CFAP74: variants seen among roughly 807,000 people sequenced by gnomAD.
CFAP74 encodes cilia and flagella associated protein 74.
CFAP74 carries 124 observed loss-of-function variants against 188.9 expected under a neutral mutation model. The ratio of observed to expected loss-of-function variants is 0.66; its 90% CI spans 0.57 to 0.76. CFAP74 has a LOEUF of 0.76. Among genes scored for constraint, CFAP74 ranks in the 30% least tolerant of loss-of-function variants. The pLI is 0.00. For missense variants in CFAP74, 2,198 were observed against 2,165.2 expected, an observed-to-expected ratio of 1.02 and a Z score of -0.30; for synonymous variants, 956 against 916.7, an observed-to-expected ratio of 1.04 and a Z score of -0.77.
At chr1:1,988,000 GCT>G in intron 4 of CFAP74, 1 of 429,466 alleles carries the variant, frequency 2.3e-6, no homozygotes, top group Non-Finnish European at 4.7e-6. Context: ...ACAGGGTCTT[GCT>G]CTGTCACCCA....
intron 1 of CFAP74, among the ~76,000 whole-genome samples, chr1:1,991,297 G>C (rs1424640433): frequency 6.6e-6 from 1 of 152,208 alleles, no homozygotes; most frequent in African/African-American, 2.4e-5. Flanking sequence ...CCAACGTGGT[G>C]AGGCTACAGT....
chr1:1,941,944 G>A (rs1653403792), intron 22 of CFAP74, 84 bp downstream of exon 22: 1 of 1,331,652 alleles, frequency 7.5e-7, no homozygotes, highest in South Asian at 1.8e-5. Flanking sequence ...AATGAGAACA[G>A]AGGAGTGGCC....
chr1:1,967,768 G>C (rs1198652943), intron 11 of CFAP74, among the ~76,000 whole-genome samples: 3 of 152,218 alleles, frequency 2.0e-5, no homozygotes, highest in Admixed American at 6.5e-5. Flanking sequence ...CCAGACTCAG[G>C]AGAGGACCAT....
At position 1,970,750 on chromosome 1, in the gene CFAP74, C is replaced by T. The variant is rs748175288; in HGVS notation, c.955G>A (p.Ala319Thr). 1.2e-6 allele frequency: 2 copies of T among 1,614,200 alleles called. No homozygotes were observed. The highest frequency in any genetic ancestry group is 1.7e-6 in the Non-Finnish European group (2 of 1,180,014). Residue 319 changes from alanine to threonine, a missense_variant, in exon 10 of 39, where the codon GCT becomes ACT. Ala to Thr is a moderately conservative substitution (Grantham distance 58). Transcript: ENST00000682832. Reference protein sequence around the residue: ...KAELAEQRVQAEKKAILAQGR... With the variant: ...KAELAEQRVQTEKKAILAQGR... ...TGGGCCAGAATCGCCTTCTTCTCAG[C>T]CTGGACCCTCTGCTCCGCCAGCTCT...
intron 33 of CFAP74, among the ~76,000 whole-genome samples, chr1:1,925,092 ACTGGTGCGAAGGCATGAGGGCACACG>A (rs1557982630): frequency 6.2e-5 from 9 of 144,416 alleles, no homozygotes; most frequent in Non-Finnish European, 1.1e-4. Flanking sequence ...GAGGGCACAC[ACTGGTGCGAAGGCATGAGGGCACACG>A]CTGGTGCGAA....
At position 1,995,194 on chromosome 1, in the gene CFAP74, T is replaced by C. The variant is rs142056884; in HGVS notation, c.-19-4219A>G. ...ATGCCGGATAGGACTGTACTTTAATTCTCGTAAAAATGTTGAAGAACAAAC... is the reference window on the plus strand; with the variant it reads ...ATGCCGGATAGGACTGTACTTTAATCCTCGTAAAAATGTTGAAGAACAAAC... On this transcript the variant is annotated intron_variant, in intron 1 of 38. Transcript: ENST00000682832. 2.0e-5 allele frequency among the ~76,000 whole-genome samples: 3 copies of C among 152,160 alleles called. No homozygotes were observed. The East Asian group carries it at 5.8e-4, about 29-fold the overall frequency.
chr1:1,964,900 G>A lies in CFAP74; in HGVS notation c.1563C>T (p.Leu521=), dbSNP rs1161090145. 6 of 1,613,616 alleles carry A rather than the reference G, an allele frequency of 3.7e-6. No homozygotes were observed. The highest frequency in any genetic ancestry group is 1.7e-5 in the Admixed American group (1 of 59,998). ...QGRPFNSKPE[L]LHFQDFDIGK... is the part of the protein sequence containing the mutation. ...GCTGCGGGCTCACCTGGAAGTGGAG[G>A]AGCTCCGGTTTGCTGTTGAAGGGGC... Residue 521 remains leucine (L), a synonymous_variant, in exon 13 of 39, where the codon CTC becomes CTT. Coordinates refer to ENST00000682832, the MANE Select transcript of CFAP74 (RefSeq NM_001304360.2).
chr1:1,983,620 G>C (rs1335661552), intron 6 of CFAP74: 1 of 152,248 alleles, frequency 6.6e-6, no homozygotes, highest in East Asian at 1.9e-4. Context: ...GGGGCCGAGG[G>C]GCACAGGGGG....
At chr1:1,993,848 G>T (rs529323713) in intron 1 of CFAP74, among the ~76,000 whole-genome samples, 1 of 151,116 alleles carries the variant, frequency 6.6e-6, no homozygotes. Context: ...CGGGCGTGGT[G>T]GCGGGCGCCT....
Position 1,975,909 on chromosome 1 carries a change from C to T in CFAP74, c.501-1711G>A, listed in dbSNP as rs748409162. Among the ~76,000 whole-genome samples, 2 of 152,288 alleles carry T rather than the reference C, an allele frequency of 1.3e-5. No individual in the cohort carries two copies. The highest frequency in any genetic ancestry group is 2.9e-5 in the Non-Finnish European group (2 of 68,028). On this transcript the variant is annotated intron_variant, in intron 6 of 38. Coordinates refer to ENST00000682832, the MANE Select transcript of CFAP74 (RefSeq NM_001304360.2). This position sits in a 1 kb window ranked among gnomAD's most constrained non-coding sequence, Gnocchi z 4.5. ...GGCAAGACGCTGTCCCAGATGCTGT[C>T]GTCGCCCATTCCTGCTGCTGTAGGA...
In CFAP74 at chr1:1,954,727, G is replaced by A. The variant is rs184145999; in HGVS notation, c.2176+964C>T. 5.4e-5 allele frequency: 50 copies of A among 921,926 alleles called. No homozygotes were observed. In the Admixed American group the frequency reaches 2.5e-3, roughly 46 times the overall value. 57.1% of individuals were successfully genotyped at this position (921,926 alleles called of 1,614,324 possible). Reference sequence around the variant, plus strand: ...GAGCCCGGGAGGTCGAGGCTGCAGTGAGCTGTGACTGCACCACTGCACTCC... The same window carrying A: ...GAGCCCGGGAGGTCGAGGCTGCAGTAAGCTGTGACTGCACCACTGCACTCC... On this transcript the variant is annotated intron_variant, in intron 18 of 38. Transcript: ENST00000682832.
intron 12 of CFAP74, among the ~76,000 whole-genome samples, chr1:1,965,338 C>G (rs774979342): frequency 1.3e-5 from 2 of 152,208 alleles, no homozygotes; most frequent in Non-Finnish European, 2.9e-5. Context: ...GCAGACAGCT[C>G]CAGATTCAGG....
chr1:1,981,614 C>T (rs150990787), intron 6 of CFAP74, among the ~76,000 whole-genome samples: 33 of 60,318 alleles, frequency 5.5e-4, no homozygotes, highest in East Asian at 1.8e-3. Context: ...CACACAGCCG[C>T]GGACAGACAC....
intron 25 of CFAP74, among the ~76,000 whole-genome samples, chr1:1,930,913 T>C (rs1652317963): frequency 6.6e-6 from 1 of 152,206 alleles, no homozygotes; most frequent in Admixed American, 6.5e-5. Flanking sequence ...GGCCGGGACC[T>C]GGTTATTTTA....
At chr1:1,965,113 G>T in intron 12 of CFAP74, 52 bp from the exon 13 acceptor site, 1 of 1,564,184 alleles carries the variant, frequency 6.4e-7, no homozygotes, top group Non-Finnish European at 8.7e-7. Context: ...CACCTGGGCG[G>T]CGCCGGTGGC....
Position 1,926,299 on chromosome 1 carries a change from GGT to G in CFAP74, c.3875_3876del (p.Asn1292ThrfsTer56). 6.5e-7 allele frequency: 1 copy of G among 1,546,930 alleles called. No individual in the cohort carries two copies. The highest frequency in any genetic ancestry group is 2.4e-5 in the East Asian group (1 of 40,850). On this transcript the variant is annotated frameshift_variant, in exon 32 of 39. Transcript: ENST00000682832. LOFTEE classifies it high-confidence loss of function. ...CCACCTGCACGCAGCAGGCTGGAGT[GGT>G]TCAGCAGGACAAAGGGGCCGTTGGG... ...LNPNGPFVLL[N>X]HSSLLRAGGT... is the part of the protein sequence containing the mutation.
In CFAP74 at chr1:1,935,407, T is replaced by C. The variant is rs1159379742; in HGVS notation, c.3011+3448A>G. 1.6e-4 allele frequency among the ~76,000 whole-genome samples: 14 copies of C among 85,288 alleles called. 4 individuals are homozygous for C. Among genetic ancestry groups the C allele is most frequent in the South Asian group, 1.0e-3 (2 of 1,952 alleles). The allele number at this position is 85,288 out of a possible 152,430, so 56.0% of individuals were successfully genotyped here. ...GGTTATAGGTACACACGTCTGTATG[T>C]GTGGGTGTTAGGTTGTAGGTACACA... On this transcript the variant is annotated intron_variant, in intron 25 of 38. Coordinates refer to ENST00000682832, the MANE Select transcript of CFAP74 (RefSeq NM_001304360.2).
rs1241754410 is a variant in CFAP74 at position 1,923,978 on chromosome 1, G to A, written c.4235-49C>T. On this transcript the variant is annotated intron_variant, in intron 34 of 38. Transcript: ENST00000682832. The surrounding 1 kb of genome is among the most constrained non-coding windows in gnomAD (Gnocchi z 6.3). ...TTGGCCTTCTCCACCTGCAATCACTGTCTGCCCTCCAAGCCTTGCTGCATA... is the reference window on the plus strand; with the variant it reads ...TTGGCCTTCTCCACCTGCAATCACTATCTGCCCTCCAAGCCTTGCTGCATA... The A allele has an allele frequency of 6.4e-7, 1 of 1,567,880 alleles. No individual in the cohort carries two copies. Among genetic ancestry groups the A allele is most frequent in the African/African-American group, 1.4e-5 (1 of 73,952 alleles).
At chr1:1,971,335 ACACACG>A (rs1490781548) in intron 9 of CFAP74, among the ~76,000 whole-genome samples, 5 of 150,020 alleles carry the variant, frequency 3.3e-5, no homozygotes, top group African/African-American at 1.2e-4. Context: ...GCACACCTGC[ACACACG>A]TGCACACACA....
Sources: gnomAD v4.1 joint callset for allele counts (sites outside exome capture counted in the v4.1 genomes callset) on GRCh38, gnomAD v4.1.1 for gene constraint, Gnocchi (gnomAD v3.1) non-coding constraint, MANE v1.5 for transcripts, NCBI Gene and HGNC (gene_info 2026-07-23, HGNC 2026-07-21) for gene names.